NUP205: variants seen among roughly 807,000 people sequenced by gnomAD.
The protein encoded by NUP205 is nucleoporin 205.
In NUP205, 76 loss-of-function variants were observed where a neutral mutation model predicts 253.8. That is an observed-to-expected ratio of 0.30 (90% confidence interval 0.25 to 0.36). The LOEUF (loss-of-function observed/expected upper bound fraction) is 0.36, where lower values mean the gene tolerates loss of function less well. Among genes scored for constraint, NUP205 ranks in the 10% least tolerant of loss-of-function variants. The pLI is 1.00. For synonymous variants in NUP205, 832 were observed against 850.1 expected, an observed-to-expected ratio of 0.98 and a Z score of 0.37; for missense variants, 2,162 against 2,425.5, an observed-to-expected ratio of 0.89 and a Z score of 2.28.
At chr7:135,585,309 A>G (rs961514539) in intron 8 of NUP205, among the ~76,000 whole-genome samples, 3 of 152,124 alleles carry the variant, frequency 2.0e-5, no homozygotes, top group Admixed American at 6.6e-5. Context: ...AAGGGAAGAC[A>G]TATTTTGCTG....
chr7:135,596,220 C>T (rs182742597), intron 13 of NUP205, among the ~76,000 whole-genome samples: 3 of 152,312 alleles, frequency 2.0e-5, no homozygotes, highest in East Asian at 1.9e-4. Flanking sequence ...AGGCGTGAGC[C>T]ACCACGCCCA....
chr7:135,597,400 G>A lies in NUP205; in HGVS notation c.2046G>A (p.Arg682=), dbSNP rs1793866172. Residue 682 remains arginine, a synonymous_variant, in exon 14 of 43, where the codon AGG becomes AGA. Transcript: ENST00000285968. ...ILQTVRIPSQ[R]QAIGIEVELN... The stretch of plus-strand genomic sequence containing the variant: ...AGACCGTGAGGATTCCAAGCCAAAG[G>A]CAAGCTATTGGTATTGAGGTAAAGT... 7 of 1,610,396 alleles carry A rather than the reference G, an allele frequency of 4.3e-6. No homozygotes were observed. Among genetic ancestry groups the A allele is most frequent in the Non-Finnish European group, 5.9e-6 (7 of 1,176,726 alleles).
At chr7:135,640,368 A>G (rs145445744) in intron 38 of NUP205, among the ~76,000 whole-genome samples, 27 of 152,350 alleles carry the variant, frequency 1.8e-4, no homozygotes, top group Middle Eastern at 3.4e-3. Flanking sequence ...ATGTACAACA[A>G]AATTCACCCA....
chr7:135,561,831 G>C (rs931954871), intron 1 of NUP205, among the ~76,000 whole-genome samples: 2 of 151,810 alleles, frequency 1.3e-5, no homozygotes, highest in African/African-American at 4.8e-5. Flanking sequence ...TCCACTTACT[G>C]TCCTCTTCCT....
intron 27 of NUP205, among the ~76,000 whole-genome samples, chr7:135,618,033 C>T (rs1052248112): frequency 6.6e-6 from 1 of 151,732 alleles, no homozygotes; most frequent in Non-Finnish European, 1.5e-5. Flanking sequence ...AATGGAGATA[C>T]AGCCGGCCAG....
intron 31 of NUP205, among the ~76,000 whole-genome samples, chr7:135,624,656 C>T (rs1283852645): frequency 1.3e-5 from 2 of 152,072 alleles, no homozygotes; most frequent in Admixed American, 6.5e-5. Context: ...GGATTACAGG[C>T]GTGAGCCACC....
intron 31 of NUP205, among the ~76,000 whole-genome samples, chr7:135,623,823 C>T (rs1428883058): frequency 6.6e-6 from 1 of 152,190 alleles, no homozygotes; most frequent in African/African-American, 2.4e-5. Flanking sequence ...CGCTCTGTCG[C>T]CCCGGCTAGA....
chr7:135,574,972 C>T (rs1482098225), intron 3 of NUP205, among the ~76,000 whole-genome samples: 1 of 152,116 alleles, frequency 6.6e-6, no homozygotes, highest in Non-Finnish European at 1.5e-5. Context: ...GGGGGATGTT[C>T]ACTAGACATG....
intron 1 of NUP205, among the ~76,000 whole-genome samples, chr7:135,564,915 C>T (rs150951526): frequency 3.7e-3 from 554 of 150,904 alleles, no homozygotes; most frequent in Middle Eastern, 0.01. Context: ...TACAGGTGCA[C>T]GCCACCATGC....
chr7:135,570,086 GA>G, intron 1 of NUP205, among the ~76,000 whole-genome samples: 1 of 149,010 alleles, frequency 6.7e-6, no homozygotes, highest in East Asian at 1.9e-4. Flanking sequence ...GAGAGAGAGA[GA>G]GAGAGAGAAA....
chr7:135,628,839 G>A (rs1308200425), intron 34 of NUP205, among the ~76,000 whole-genome samples: 2 of 152,206 alleles, frequency 1.3e-5, no homozygotes, highest in Admixed American at 6.5e-5. Context: ...GGTAGATGCT[G>A]CTGTTCTAAA....
At chr7:135,638,192 C>A in intron 37 of NUP205, 133 bp downstream of exon 37, 1 of 899,296 alleles carries the variant, frequency 1.1e-6, no homozygotes, top group Non-Finnish European at 1.7e-6. Flanking sequence ...GATGGATCAC[C>A]TGAGGTCAAG....
chr7:135,571,411 T>TAA (rs563193250), intron 2 of NUP205, among the ~76,000 whole-genome samples, 164 bp downstream of exon 2: 6 of 135,550 alleles, frequency 4.4e-5, no homozygotes, highest in Admixed American at 7.5e-5. Context: ...CCTAAACGCT[T>TAA]AAAAAAAAAA....
At chr7:135,625,639 G>A (rs1432101645) in intron 32 of NUP205, among the ~76,000 whole-genome samples, 3 of 152,144 alleles carry the variant, frequency 2.0e-5, no homozygotes, top group Non-Finnish European at 2.9e-5. Context: ...GAGCAAAATT[G>A]TCCTCTCACA....
At chr7:135,641,809 A>C (rs74588529) in intron 38 of NUP205, among the ~76,000 whole-genome samples, 8 of 151,496 alleles carry the variant, frequency 5.3e-5, no homozygotes, top group African/African-American at 2.0e-4. Flanking sequence ...TCAAAAAAAA[A>C]CAAGAAAGAA....
At chr7:135,614,058 C>A in intron 22 of NUP205, 101 bp from the exon 23 acceptor site, 1 of 623,656 alleles carries the variant, frequency 1.6e-6, no homozygotes, top group Non-Finnish European at 2.8e-6. Context: ...GTTGATGGGT[C>A]CTAGTTTTTC....
At chr7:135,565,144 T>C (rs1805715095) in intron 1 of NUP205, among the ~76,000 whole-genome samples, 1 of 152,172 alleles carries the variant, frequency 6.6e-6, no homozygotes, top group Non-Finnish European at 1.5e-5. Flanking sequence ...TACCATTCAC[T>C]GAGCTTATTA....
At chr7:135,579,196 A>AT (rs199544993) in intron 7 of NUP205, among the ~76,000 whole-genome samples, 1,531 of 141,378 alleles carry the variant, frequency 0.011, 30 homozygotes, top group African/African-American at 0.038. Flanking sequence ...GTGTCACATT[A>AT]ATTTTTTTTT....
intron 35 of NUP205, among the ~76,000 whole-genome samples, chr7:135,631,229 G>A (rs544941565): frequency 6.6e-6 from 1 of 152,088 alleles, no homozygotes; most frequent in Non-Finnish European, 1.5e-5. Flanking sequence ...AAGCTCTAGG[G>A]TACATGTGCA....
Sources: allele counts gnomAD v4.1 joint callset (sites outside exome capture counted in the v4.1 genomes callset), GRCh38; gene constraint gnomAD v4.1.1; transcripts MANE v1.5; gene names NCBI Gene and HGNC (gene_info 2026-07-23, HGNC 2026-07-21).